The following RASAL1 variants were observed in gnomAD, a reference collection of about 807,000 sequenced individuals.
RASAL1 encodes the protein rasGAP-activating-like protein 1.
RASAL1 carries 72 observed loss-of-function variants against 96.6 expected under a neutral mutation model. That is an observed-to-expected ratio of 0.75 (90% CI 0.62 to 0.91). The LOEUF is 0.91. Ranked by LOEUF, RASAL1 falls within the 40% of genes least tolerant of loss-of-function variation. RASAL1 has a pLI of 0.00. For synonymous variants in RASAL1, 405 were observed against 430.4 expected (o/e 0.94, Z 0.73); for missense variants, 1,016 against 1,072.5 (o/e 0.95, Z 0.74).
chr12:113,128,340 G>GAC lies in RASAL1; in HGVS notation c.123-164_123-163dup, dbSNP rs376045090. ...CCACATGAACCCAGTTAGAGGCCCA[G>GAC]ACACACACACACACCCAAGGACAGC... On this transcript the variant is annotated intron_variant, in intron 2 of 20. Transcript: ENST00000548055. 4.2e-3 allele frequency among the ~76,000 whole-genome samples: 619 copies of GAC among 145,970 alleles called. 2 individuals carry two copies. Among genetic ancestry groups the GAC allele is most frequent in the Non-Finnish European group, 5.2e-3 (349 of 66,748 alleles).
chr12:113,107,120 A>G lies in RASAL1; in HGVS notation c.1634T>C (p.Leu545Pro). 6.2e-7 allele frequency: 1 copy of G among 1,613,276 alleles called. No homozygotes were observed. The highest frequency in any genetic ancestry group is 1.1e-5 in the South Asian group (1 of 90,902). The change falls in exon 15 of 21, where the codon CTG (leucine) becomes CCG (proline). Residue 545 changes from leucine (L) to proline (P), a missense_variant. Physicochemically the swap from Leu to Pro is moderately conservative, Grantham distance 98 (BLOSUM62 -3). Coordinates refer to ENST00000548055, the MANE Select transcript of RASAL1 (RefSeq NM_001301202.2). The part of the protein sequence containing the change: ...VSRVRDFLDR[L>P]VDVDGDEEAG... ...ACCTTCATCCCCATCCACATCCACC[A>G]GCCGGTCCAGGAAGTCTCTCACACG...
At position 113,135,220 on chromosome 12, in the gene RASAL1, C is replaced by G. The variant is rs1490002695; in HGVS notation, c.65+178G>C. On this transcript the variant is annotated intron_variant, in intron 1 of 20. Transcript: ENST00000548055. This position sits in a 1 kb window ranked among gnomAD's most constrained non-coding sequence, Gnocchi z 5.7. ...CTAACTCTAGGCGCCCCCCTCCCACCGGGACAGCCATGGGCATGCGGCCTC... is the reference window on the plus strand; with the variant it reads ...CTAACTCTAGGCGCCCCCCTCCCACGGGGACAGCCATGGGCATGCGGCCTC... 6.6e-6 allele frequency among the ~76,000 whole-genome samples: 1 copy of G among 152,116 alleles called. No individual in the cohort carries two copies. The highest frequency in any genetic ancestry group is 1.5e-5 in the Non-Finnish European group (1 of 68,008).
chr12:113,105,575 G>C (rs1950614285), intron 16 of RASAL1, 139 bp downstream of exon 16: 1 of 916,650 alleles, frequency 1.1e-6, no homozygotes, highest in South Asian at 1.7e-5. Flanking sequence ...CCTGTCCTGA[G>C]AGTTTGTCGT....
chr12:113,105,700 G>A lies in RASAL1; in HGVS notation c.1830+14C>T, dbSNP rs777584914. On this transcript the variant is annotated intron_variant, in intron 16 of 20. Coordinates refer to ENST00000548055, the MANE Select transcript of RASAL1 (RefSeq NM_001301202.2). ...CACCCCTGGAAAGCCCTCCATAGTGGACTGGAACCCCACCTGCCACTCAGG... is the reference window on the plus strand; with the variant it reads ...CACCCCTGGAAAGCCCTCCATAGTGAACTGGAACCCCACCTGCCACTCAGG... 1 of 1,594,874 alleles carries A rather than the reference G, an allele frequency of 6.3e-7. No homozygotes were observed. The highest frequency in any genetic ancestry group is 8.6e-7 in the Non-Finnish European group (1 of 1,168,200).
In RASAL1 at chr12:113,107,244, G is replaced by T. The variant is rs748744433; in HGVS notation, c.1513-3C>A. On this transcript the variant is annotated splice_region_variant and splice_polypyrimidine_tract_variant and intron_variant, in intron 14 of 20. Transcript: ENST00000548055. Reference sequence around the variant, plus strand: ...AGGTTTCCAATGCTCTGCACAGCCTGGAGCAAAGAAGCGAGGGATGCCGGG... The same window carrying T: ...AGGTTTCCAATGCTCTGCACAGCCTTGAGCAAAGAAGCGAGGGATGCCGGG... 2.9e-5 allele frequency: 46 copies of T among 1,593,874 alleles called. No homozygotes were observed. Among genetic ancestry groups the T allele is most frequent in the Non-Finnish European group, 3.8e-5 (45 of 1,169,072 alleles).
intron 11 of RASAL1, 70 bp from the exon 12 acceptor site, chr12:113,114,982 A>T: frequency 4.7e-6 from 6 of 1,284,320 alleles, no homozygotes; most frequent in Non-Finnish European, 5.6e-6. Context: ...AGCTGGGCGC[A>T]GGGGGGACCA....
At chr12:113,120,018 T>C (rs1566060284) in intron 5 of RASAL1, among the ~76,000 whole-genome samples, 1 of 152,118 alleles carries the variant, frequency 6.6e-6, no homozygotes, top group Non-Finnish European at 1.5e-5. Flanking sequence ...CCACACCTTG[T>C]CTAGGACCCA....
intron 7 of RASAL1, 43 bp downstream of exon 7, chr12:113,119,085 G>T: frequency 1.3e-6 from 2 of 1,541,550 alleles, no homozygotes; most frequent in Non-Finnish European, 1.8e-6. Flanking sequence ...CCCCTTGGAG[G>T]CACTGGGGAG....
In RASAL1 at chr12:113,135,515, G is replaced by T; in HGVS notation, c.-53C>A. ...GAAGGGCGCTCAGGTTCCGAGGCTGGACCAGGGGACGTCTACATGTCACCT... is the reference window on the plus strand; with the variant it reads ...GAAGGGCGCTCAGGTTCCGAGGCTGTACCAGGGGACGTCTACATGTCACCT... On this transcript the variant is annotated 5_prime_UTR_variant, in exon 1 of 21. Transcript: ENST00000548055. This position sits in a 1 kb window ranked among gnomAD's most constrained non-coding sequence, Gnocchi z 5.7. 1.4e-6 allele frequency: 2 copies of T among 1,474,442 alleles called. No homozygotes were observed. The highest frequency in any genetic ancestry group is 1.2e-5 in the South Asian group (1 of 82,346). 91.3% of individuals were successfully genotyped at this position (1,474,442 alleles called of 1,614,324 possible). A position where few individuals can be genotyped will look rare whatever the true frequency, so the allele number is the denominator to read the frequency against.
At chr12:113,122,213 T>C in intron 4 of RASAL1, among the ~76,000 whole-genome samples, 1 of 152,248 alleles carries the variant, frequency 6.6e-6, no homozygotes, top group Admixed American at 6.5e-5. Flanking sequence ...CTCGTAGCCA[T>C]GTGCCATCAC....
rs202228385 is a variant in RASAL1, at chr12:113,129,719, C to CGT, written c.122+1165_122+1166insAC. On this transcript the variant is annotated intron_variant, in intron 2 of 20. Coordinates refer to ENST00000548055, the MANE Select transcript of RASAL1 (RefSeq NM_001301202.2). This position sits in a 1 kb window ranked among gnomAD's most constrained non-coding sequence, Gnocchi z 5.0. ...GAAAGAGTGCACATATGCGCGCGTG[C>CGT]GCGCACACACACACACACACCCCGC... Among the ~76,000 whole-genome samples, 187 of 152,204 alleles carry CGT rather than the reference C, an allele frequency of 1.2e-3. No individual in the cohort carries two copies. The highest frequency in any genetic ancestry group is 4.4e-3 in the African/African-American group (182 of 41,498).
intron 16 of RASAL1, 47 bp downstream of exon 16, chr12:113,105,666 GA>G (rs1459896460): frequency 7.2e-6 from 11 of 1,526,740 alleles, no homozygotes; most frequent in Admixed American, 6.2e-5. Flanking sequence ...GCAGCACACT[GA>G]AAAAGGCCAC....
intron 4 of RASAL1, among the ~76,000 whole-genome samples, chr12:113,122,271 A>T (rs1951324466): frequency 6.6e-6 from 1 of 151,690 alleles, no homozygotes; most frequent in African/African-American, 2.4e-5. Flanking sequence ...ATCCCAACAT[A>T]CTCTCCCCTC....
chr12:113,111,535 A>C (rs1448276633), intron 13 of RASAL1, among the ~76,000 whole-genome samples: 3 of 152,060 alleles, frequency 2.0e-5, no homozygotes, highest in Non-Finnish European at 4.4e-5. Context: ...CTAAAACAAG[A>C]TATGGACCAT....
chr12:113,102,200 G>A (rs1434347548), intron 18 of RASAL1, among the ~76,000 whole-genome samples, 191 bp from the exon 19 acceptor site: 1 of 152,140 alleles, frequency 6.6e-6, no homozygotes, highest in African/African-American at 2.4e-5. Flanking sequence ...AGGATCACTC[G>A]AGCCCAAGAG....
intron 1 of RASAL1, among the ~76,000 whole-genome samples, chr12:113,133,759 C>A (rs992307167): frequency 2.0e-5 from 3 of 152,038 alleles, no homozygotes; most frequent in African/African-American, 7.2e-5. Context: ...GTGGCCAGAA[C>A]CCCCCCTGCC....
In RASAL1 at chr12:113,117,133, T is replaced by C. The variant is rs571305833; in HGVS notation, c.671A>G (p.Gln224Arg). Residue 224 changes from glutamine to arginine, a missense_variant, in exon 8 of 21, where the codon CAG becomes CGG. Physicochemically the swap from Gln to Arg is conservative, Grantham distance 43. Coordinates refer to ENST00000548055, the MANE Select transcript of RASAL1 (RefSeq NM_001301202.2). ...MVEFSPKTLQQKPPKGWFRLL... is the reference protein window; with the variant it reads ...MVEFSPKTLQRKPPKGWFRLL... ...GCGGAACCAGCCTTTAGGTGGCTTC[T>C]GCTGGAGGGTCTTTGGAGAGAACTC... 6.2e-6 allele frequency: 10 copies of C among 1,608,954 alleles called. No homozygotes were observed. The highest frequency in any genetic ancestry group is 4.3e-6 in the Non-Finnish European group (5 of 1,176,120).
intron 16 of RASAL1, among the ~76,000 whole-genome samples, chr12:113,104,631 A>G (rs1950582174): frequency 6.6e-6 from 1 of 152,026 alleles, no homozygotes; most frequent in South Asian, 2.1e-4. Flanking sequence ...CCTCCCAAGT[A>G]GCTGGGATTA....
intron 5 of RASAL1, among the ~76,000 whole-genome samples, chr12:113,119,963 G>A (rs1222989551): frequency 6.6e-6 from 1 of 152,202 alleles, no homozygotes; most frequent in African/African-American, 2.4e-5. Context: ...CACCTGGCAG[G>A]TGATGGGTGC....
Sources: allele counts gnomAD v4.1 joint callset (sites outside exome capture counted in the v4.1 genomes callset), GRCh38; gene constraint gnomAD v4.1.1; non-coding constraint Gnocchi (gnomAD v3.1); transcripts MANE v1.5; gene names NCBI Gene and HGNC (gene_info 2026-07-23, HGNC 2026-07-21).